Variants in SPATS2 observed in about 807,000 individuals in gnomAD.
The protein encoded by SPATS2 is spermatogenesis associated serine rich 2.
SPATS2 carries 38 observed loss-of-function variants against 63.7 expected under a neutral mutation model. The observed-to-expected ratio is 0.60, with a 90% CI of 0.46 to 0.78. SPATS2 has a LOEUF of 0.78. Ranked by LOEUF, SPATS2 falls within the 30% of genes least tolerant of loss-of-function variation. SPATS2 has a pLI of 0.00. For missense variants in SPATS2, 588 were observed against 666.2 expected (o/e 0.88, Z 1.29); for synonymous variants, 207 against 232.9 (o/e 0.89, Z 1.01).
At chr12:49,380,295 A>G (rs932153667) in intron 2 of SPATS2, among the ~76,000 whole-genome samples, 8 of 151,752 alleles carry the variant, frequency 5.3e-5, no homozygotes, top group African/African-American at 1.9e-4. Context: ...AAGGGCTGGG[A>G]TTACAGGCGA....
intron 3 of SPATS2, among the ~76,000 whole-genome samples, chr12:49,471,894 T>C (rs1482268996): frequency 1.3e-5 from 2 of 152,120 alleles, no homozygotes; most frequent in African/African-American, 4.8e-5. Flanking sequence ...CGTACCTGGA[T>C]TCCCAGTACT....
At chr12:49,478,416 A>G (rs1268071398) in intron 3 of SPATS2, among the ~76,000 whole-genome samples, 1 of 152,052 alleles carries the variant, frequency 6.6e-6, no homozygotes, top group Non-Finnish European at 1.5e-5. Flanking sequence ...AAGAAACTGA[A>G]CTCCACTTGT....
intron 2 of SPATS2, among the ~76,000 whole-genome samples, chr12:49,385,836 G>GTTTTT (rs199632118): frequency 8.4e-5 from 12 of 143,126 alleles, no homozygotes; most frequent in African/African-American, 2.8e-4. Flanking sequence ...GGTTTTTTTT[G>GTTTTT]TTTTTTGTTT....
chr12:49,498,452 A>G (rs1449082611), intron 8 of SPATS2, among the ~76,000 whole-genome samples: 1 of 152,134 alleles, frequency 6.6e-6, no homozygotes, highest in South Asian at 2.1e-4. Flanking sequence ...TTTGAAGTGT[A>G]CTATACAGAC....
At chr12:49,512,841 T>C (rs1308368860) in intron 9 of SPATS2, 7 of 1,287,960 alleles carry the variant, frequency 5.4e-6, no homozygotes, top group South Asian at 5.0e-5. Context: ...GTCTCAGTTG[T>C]GCTTTTGTTT....
At chr12:49,401,663 C>G (rs1172922974) in intron 2 of SPATS2, among the ~76,000 whole-genome samples, 1 of 152,086 alleles carries the variant, frequency 6.6e-6, no homozygotes, top group Non-Finnish European at 1.5e-5. Flanking sequence ...CTGTCAGTTT[C>G]TTTTTCTTTT....
At chr12:49,417,103 A>C (rs186284700) in intron 2 of SPATS2, among the ~76,000 whole-genome samples, 3 of 152,328 alleles carry the variant, frequency 2.0e-5, no homozygotes, top group African/African-American at 7.2e-5. Flanking sequence ...TCTTTTCTTC[A>C]GTAGGGACAG....
At chr12:49,486,174 GT>G (rs1450481372) in intron 4 of SPATS2, 2 of 448,240 alleles carry the variant, frequency 4.5e-6, no homozygotes, top group Non-Finnish European at 8.9e-6. Context: ...GAGTCTGTAA[GT>G]TTGGTGCCTT....
At chr12:49,510,356 G>C (rs778047012) in intron 9 of SPATS2, among the ~76,000 whole-genome samples, 6 of 151,594 alleles carry the variant, frequency 4.0e-5, no homozygotes, top group Non-Finnish European at 8.8e-5. Context: ...GAGCTCAGGA[G>C]TTTGAGACCA....
At chr12:49,482,977 C>T (rs1299528396) in intron 3 of SPATS2, among the ~76,000 whole-genome samples, 1 of 151,490 alleles carries the variant, frequency 6.6e-6, no homozygotes, top group Non-Finnish European at 1.5e-5. Context: ...TTTATAGAGG[C>T]AGGGTTTCAC....
intron 3 of SPATS2, among the ~76,000 whole-genome samples, chr12:49,464,323 G>A (rs894735455): frequency 6.6e-6 from 1 of 151,604 alleles, no homozygotes; most frequent in African/African-American, 2.4e-5. Flanking sequence ...GGACAACATA[G>A]TAAGACTCTG....
intron 3 of SPATS2, among the ~76,000 whole-genome samples, chr12:49,475,647 G>A (rs1946105071): frequency 6.6e-6 from 1 of 152,122 alleles, no homozygotes; most frequent in Admixed American, 6.6e-5. Flanking sequence ...TCACCATGTT[G>A]GCTAGACTAG....
At position 49,436,529 on chromosome 12, in the gene SPATS2, A is replaced by AC. The variant is rs1176216511; in HGVS notation, c.-243-24234dup. Among the ~76,000 whole-genome samples, 14 of 87,868 alleles carry AC rather than the reference A, an allele frequency of 1.6e-4. 1 individual carries two copies. The highest frequency in any genetic ancestry group is 1.2e-3 in the South Asian group (3 of 2,512). 57.6% of individuals were successfully genotyped at this position (87,868 alleles called of 152,430 possible). A position where few individuals can be genotyped will look rare whatever the true frequency, so the allele number is the denominator to read the frequency against. On this transcript the variant is annotated intron_variant, in intron 2 of 13. Coordinates refer to ENST00000552918, the MANE Select transcript of SPATS2 (RefSeq NM_023071.4). ...GGGCGGCTGGCCGGGCGGGGGGCTG[A>AC]CCCCCCCGCCTCCTGGCCGGGCGGG...
chr12:49,435,482 C>T (rs938914382), intron 2 of SPATS2, among the ~76,000 whole-genome samples: 9 of 151,680 alleles, frequency 5.9e-5, no homozygotes, highest in African/African-American at 1.5e-4. Context: ...CACGCCAGTG[C>T]GCCTGGCTAA....
chr12:49,479,313 C>A (rs769040505), intron 3 of SPATS2, among the ~76,000 whole-genome samples: 1 of 152,224 alleles, frequency 6.6e-6, no homozygotes, highest in Middle Eastern at 3.2e-3. Flanking sequence ...GGACCCACCC[C>A]CTTCTGCCCA....
intron 2 of SPATS2, chr12:49,389,830 G>A (rs1937812973): frequency 1.1e-6 from 1 of 899,958 alleles, no homozygotes; most frequent in South Asian, 1.3e-5. Context: ...AGCAAGTATC[G>A]AGAACAAATG....
chr12:49,488,668 T>C (rs1034259054), intron 4 of SPATS2, among the ~76,000 whole-genome samples: 3 of 151,700 alleles, frequency 2.0e-5, no homozygotes, highest in Admixed American at 6.6e-5. Context: ...AATAAATAAA[T>C]AAGAGATGCA....
intron 11 of SPATS2, among the ~76,000 whole-genome samples, chr12:49,519,976 G>A (rs1478323662): frequency 2.0e-5 from 3 of 150,626 alleles, no homozygotes; most frequent in African/African-American, 4.9e-5. Context: ...CACCACGCCT[G>A]GCTAATTTTT....
At chr12:49,410,498 ATACT>A (rs750054750) in intron 2 of SPATS2, among the ~76,000 whole-genome samples, 3 of 152,168 alleles carry the variant, frequency 2.0e-5, no homozygotes, top group Admixed American at 6.5e-5. Context: ...TGCCCACATC[ATACT>A]TACTATCTAA....
Sources: allele counts gnomAD v4.1 joint callset (sites outside exome capture counted in the v4.1 genomes callset), GRCh38; gene constraint gnomAD v4.1.1; transcripts MANE v1.5; gene names NCBI Gene and HGNC (gene_info 2026-07-23, HGNC 2026-07-21).